The following RALGAPA2 variants were observed in gnomAD, a reference collection of about 807,000 sequenced individuals.
RALGAPA2 encodes Ral GTPase activating protein catalytic subunit alpha 2, also known as ral GTPase-activating protein subunit alpha-2.
RALGAPA2 carries 139 observed loss-of-function variants against 230.4 expected under a neutral mutation model. The ratio of observed to expected loss-of-function variants is 0.60; its 90% CI spans 0.53 to 0.69. The LOEUF is 0.69. Among genes scored for constraint, RALGAPA2 ranks in the 30% least tolerant of loss-of-function variants. The probability of loss-of-function intolerance (pLI) is 0.00; values close to 1 mark genes in which losing one functional copy is unlikely to be tolerated. For missense variants in RALGAPA2, 2,163 were observed against 2,276.0 expected, an observed-to-expected ratio of 0.95 and a Z score of 1.01; for synonymous variants, 847 against 837.8, an observed-to-expected ratio of 1.01 and a Z score of -0.19.
At chr20:20,500,308 G>A (rs1377065328) in intron 35 of RALGAPA2, among the ~76,000 whole-genome samples, 1 of 152,172 alleles carries the variant, frequency 6.6e-6, no homozygotes, top group East Asian at 1.9e-4. Context: ...GCCCACAGTA[G>A]AACTTCTTTT....
chr20:20,506,296 C>T (rs571641392), intron 33 of RALGAPA2, among the ~76,000 whole-genome samples: 1 of 152,232 alleles, frequency 6.6e-6, no homozygotes, highest in Admixed American at 6.5e-5. Context: ...TTCTCTTTTG[C>T]ACATCTAGCA....
At chr20:20,447,639 T>C (rs1179422961) in intron 37 of RALGAPA2, among the ~76,000 whole-genome samples, 1 of 152,214 alleles carries the variant, frequency 6.6e-6, no homozygotes, top group East Asian at 1.9e-4. Flanking sequence ...TGCCTTTTTT[T>C]TTTTTTTAAC....
chr20:20,631,737 T>G (rs1244278640), intron 9 of RALGAPA2, among the ~76,000 whole-genome samples: 2 of 152,196 alleles, frequency 1.3e-5, no homozygotes, highest in Non-Finnish European at 2.9e-5. Context: ...TCTGCAATAG[T>G]GGCAGTAAGA....
intron 9 of RALGAPA2, among the ~76,000 whole-genome samples, chr20:20,634,852 G>C (rs1172428026): frequency 1.3e-5 from 2 of 152,190 alleles, no homozygotes; most frequent in Non-Finnish European, 2.9e-5. Flanking sequence ...GGCCAAGAGA[G>C]AAAAAGCACA....
chr20:20,462,615 C>G (rs1391598793), intron 37 of RALGAPA2, among the ~76,000 whole-genome samples: 2 of 152,120 alleles, frequency 1.3e-5, no homozygotes, highest in African/African-American at 4.8e-5. Flanking sequence ...GACACCCTTT[C>G]AAGGCTAACA....
intron 30 of RALGAPA2, among the ~76,000 whole-genome samples, 198 bp downstream of exon 30, chr20:20,524,208 G>C (rs192726876): frequency 1.3e-5 from 2 of 152,112 alleles, no homozygotes; most frequent in African/African-American, 4.8e-5. Context: ...TGCCCGCCTC[G>C]GCCTCCCAAA....
At chr20:20,670,641 T>TAA (rs11478509) in intron 3 of RALGAPA2, among the ~76,000 whole-genome samples, 3 of 129,844 alleles carry the variant, frequency 2.3e-5, no homozygotes, top group African/African-American at 2.8e-5. Flanking sequence ...ATAACCATAG[T>TAA]AAAAAAAAAA....
intron 35 of RALGAPA2, among the ~76,000 whole-genome samples, chr20:20,496,379 A>T (rs1419800662): frequency 2.0e-5 from 3 of 152,170 alleles, no homozygotes; most frequent in Non-Finnish European, 4.4e-5. Context: ...AGTGACAAAG[A>T]ATCAAAGTGT....
chr20:20,405,944 T>C (rs1229311467), intron 38 of RALGAPA2, among the ~76,000 whole-genome samples: 2 of 152,204 alleles, frequency 1.3e-5, no homozygotes, highest in Non-Finnish European at 2.9e-5. Context: ...TTCACTCCTG[T>C]TGCATGTAGG....
chr20:20,525,395 A>T (rs1569462812), intron 28 of RALGAPA2, among the ~76,000 whole-genome samples: 1 of 152,148 alleles, frequency 6.6e-6, no homozygotes, highest in Non-Finnish European at 1.5e-5. Flanking sequence ...TTATGTTCCC[A>T]TGTCCAAACT....
chr20:20,571,180 T>C (rs1028171496), intron 23 of RALGAPA2, among the ~76,000 whole-genome samples: 3 of 152,188 alleles, frequency 2.0e-5, no homozygotes, highest in African/African-American at 7.2e-5. Flanking sequence ...TATTTTGAGG[T>C]TGACAACACA....
chr20:20,612,460 A>G (rs1438497321), intron 13 of RALGAPA2, among the ~76,000 whole-genome samples: 2 of 152,182 alleles, frequency 1.3e-5, no homozygotes, highest in Non-Finnish European at 2.9e-5. Context: ...TACTTTTCTC[A>G]TATCTCTGCT....
At chr20:20,415,870 C>A (rs2060154318) in intron 37 of RALGAPA2, among the ~76,000 whole-genome samples, 1 of 152,200 alleles carries the variant, frequency 6.6e-6, no homozygotes, top group Admixed American at 6.5e-5. Context: ...CTGTAAGAAT[C>A]TGAGAATCTG....
rs1175828218 is a variant in RALGAPA2 at position 20,398,317 on chromosome 20, A to T, written c.5618-1583T>A. Among the ~76,000 whole-genome samples the T allele has an allele frequency of 6.6e-6, 1 of 152,176 alleles. No homozygotes were observed. Among genetic ancestry groups the T allele is most frequent in the East Asian group, 1.9e-4 (1 of 5,190 alleles). On this transcript the variant is annotated intron_variant, in intron 38 of 39. Transcript: ENST00000202677. The surrounding 1 kb of genome is among the most constrained non-coding windows in gnomAD (Gnocchi z 4.5). ...ACCAAGAAAGCAGATGGCGCAGCTA[A>T]CAATGGAGGACTTGTTTGTAATTGC...
intron 31 of RALGAPA2, among the ~76,000 whole-genome samples, chr20:20,519,751 C>T (rs748578074): frequency 6.6e-6 from 1 of 152,156 alleles, no homozygotes; most frequent in Non-Finnish European, 1.5e-5. Flanking sequence ...GGTGACATTC[C>T]CTCACTCTGC....
At chr20:20,402,257 A>G (rs940665314) in intron 38 of RALGAPA2, among the ~76,000 whole-genome samples, 2 of 152,248 alleles carry the variant, frequency 1.3e-5, no homozygotes, top group Non-Finnish European at 2.9e-5. Flanking sequence ...AGTAAACTGC[A>G]AATCTCTACA....
At chr20:20,582,708 C>CGTAATACA (rs1173344544) in intron 20 of RALGAPA2, among the ~76,000 whole-genome samples, 1 of 152,008 alleles carries the variant, frequency 6.6e-6, no homozygotes, top group Non-Finnish European at 1.5e-5. Context: ...TACTGTTCCC[C>CGTAATACA]GTAACTTACA....
chr20:20,447,413 G>C (rs1183873717), intron 37 of RALGAPA2, among the ~76,000 whole-genome samples: 1 of 152,162 alleles, frequency 6.6e-6, no homozygotes, highest in Non-Finnish European at 1.5e-5. Flanking sequence ...GTCCCGAAGA[G>C]AGGCCAAAAT....
At chr20:20,703,374 A>G (rs1489027039) in intron 1 of RALGAPA2, among the ~76,000 whole-genome samples, 1 of 152,198 alleles carries the variant, frequency 6.6e-6, no homozygotes, top group Admixed American at 6.5e-5. Context: ...TAATCTCTCT[A>G]AAATTCCTAT....
Sources: gnomAD v4.1 joint callset for allele counts (sites outside exome capture counted in the v4.1 genomes callset) on GRCh38, gnomAD v4.1.1 for gene constraint, Gnocchi (gnomAD v3.1) non-coding constraint, MANE v1.5 for transcripts, NCBI Gene and HGNC (gene_info 2026-07-23, HGNC 2026-07-21) for gene names.